MYO16: variants seen among roughly 807,000 people sequenced by gnomAD.
The protein encoded by MYO16 is myosin XVI.
In MYO16, 94 loss-of-function variants were observed where a neutral mutation model predicts 205.3. That is an observed-to-expected ratio of 0.46 (90% confidence interval 0.39 to 0.54). The LOEUF is 0.54. Among genes scored for constraint, MYO16 ranks in the 20% least tolerant of loss-of-function variants. The pLI, the probability that MYO16 is intolerant of heterozygous loss-of-function variation, is 0.00. For synonymous variants in MYO16, 988 were observed against 954.0 expected (o/e 1.04, Z -0.66); for missense variants, 2,315 against 2,387.5 (o/e 0.97, Z 0.63).
At chr13:108,937,293 A>AT (rs752138348) in intron 16 of MYO16, among the ~76,000 whole-genome samples, 202 of 149,266 alleles carry the variant, frequency 1.4e-3, no homozygotes, top group Non-Finnish European at 1.8e-3. Context: ...TGGCTTTCAG[A>AT]TTTTTTTTTC....
intron 2 of MYO16, among the ~76,000 whole-genome samples, chr13:108,677,157 A>C (rs148709211): frequency 4.3e-4 from 65 of 152,160 alleles, no homozygotes; most frequent in African/African-American, 1.5e-3. Flanking sequence ...GAGGGGATTC[A>C]GGGAAGCAAG....
Position 109,206,719 on chromosome 13 carries a change from C to G in MYO16, c.5526C>G (p.His1842Gln), listed in dbSNP as rs144481777. The G allele has an allele frequency of 2.1e-5, 34 of 1,614,082 alleles. No individual in the cohort carries two copies. In the African/African-American group the frequency reaches 3.7e-4, roughly 18 times the overall value. The change falls in exon 35 of 35, where the codon CAC becomes CAG. Residue 1842 changes from histidine (H) to glutamine (Q), a missense_variant. This residue lies in a region of MYO16 where 1,097 missense variants were observed against 1,092.0 expected (regional missense o/e 1.00). Coordinates refer to ENST00000457511, the MANE Select transcript of MYO16 (RefSeq NM_001198950.3). ...GACAAGACTGGCAGCAGATCCTGCA[C>G]CACGCTGAGCCCAGGGTGCCTCCCC... ...EEGQDWQQIL[H>Q]HAEPRVPPPP...
chr13:108,826,748 T>C (rs1876291261), intron 9 of MYO16, among the ~76,000 whole-genome samples: 1 of 152,120 alleles, frequency 6.6e-6, no homozygotes, highest in South Asian at 2.1e-4. Context: ...TCAAAGAAGA[T>C]ACAATCATAG....
rs552355192 is a variant in MYO16, at chr13:108,953,969, T to G, written c.1926-3719T>G. 1.3e-4 allele frequency among the ~76,000 whole-genome samples: 20 copies of G among 152,298 alleles called. No individual in the cohort carries two copies. In the South Asian group the frequency reaches 4.1e-3, roughly 32 times the overall value. On this transcript the variant is annotated intron_variant, in intron 16 of 34. Transcript: ENST00000457511. ...CCATCAGGCAAACTGCCCTTTCAGA[T>G]TGTCTGTTTTGAATTGGTTCCCACC...
intron 7 of MYO16, among the ~76,000 whole-genome samples, chr13:108,808,611 C>A (rs1217871338): frequency 6.6e-6 from 1 of 151,872 alleles, no homozygotes. Context: ...CCATGCCCTG[C>A]CAGAAATGGA....
chr13:109,052,269 C>T, intron 24 of MYO16, 31 bp from the exon 25 acceptor site: 2 of 1,575,848 alleles, frequency 1.3e-6, no homozygotes, highest in Non-Finnish European at 1.7e-6. Context: ...ATTTTAGTGC[C>T]ACTTACGATA....
At chr13:108,823,719 G>T (rs2139022962) in intron 9 of MYO16, among the ~76,000 whole-genome samples, 1 of 151,998 alleles carries the variant, frequency 6.6e-6, no homozygotes, top group Admixed American at 6.6e-5. Flanking sequence ...AATATCAAAT[G>T]GATTGACATC....
chr13:108,555,567 C>A, the MYO16 span, among the ~76,000 whole-genome samples: 2 of 152,176 alleles, frequency 1.3e-5, no homozygotes, highest in African/African-American at 4.8e-5. Context: ...ATAAGCATTG[C>A]CTCACATAGT....
At chr13:109,176,261 T>C (rs7324344) in intron 33 of MYO16, among the ~76,000 whole-genome samples, 1,527 of 140,966 alleles carry the variant, frequency 0.011, 9 homozygotes, top group South Asian at 0.036. Context: ...TAGCCATTCA[T>C]ATTTTCATAT....
upstream of MYO16, among the ~76,000 whole-genome samples, chr13:108,628,050 G>C (rs959404517): frequency 2.0e-5 from 3 of 152,142 alleles, no homozygotes; most frequent in African/African-American, 7.2e-5. Context: ...AAAGAGGAGA[G>C]AGCTTTACTT....
chr13:109,094,614 T>C (rs1261710189), intron 27 of MYO16, among the ~76,000 whole-genome samples: 1 of 152,232 alleles, frequency 6.6e-6, no homozygotes, highest in Non-Finnish European at 1.5e-5. Flanking sequence ...CCATGGTTGT[T>C]TGTTGCACCT....
Position 109,141,466 on chromosome 13 carries a change from T to C in MYO16, c.5164+90T>C, listed in dbSNP as rs772476960. ...CATCCGTGTCTGCGCAGATGTGAAA[T>C]AGTAAAGTTTCAGGTGATGGCCGTG... On this transcript the variant is annotated intron_variant, in intron 32 of 34. Coordinates refer to ENST00000457511, the MANE Select transcript of MYO16 (RefSeq NM_001198950.3). The surrounding 1 kb of genome is among the most constrained non-coding windows in gnomAD (Gnocchi z 4.1). 1.1e-6 allele frequency: 1 copy of C among 928,110 alleles called. No homozygotes were observed. The highest frequency in any genetic ancestry group is 3.3e-5 in the East Asian group (1 of 30,374). The allele number at this position is 928,110 out of a possible 1,614,324, so 57.5% of individuals were successfully genotyped here.
At position 108,945,755 on chromosome 13, in the gene MYO16, T is replaced by C. The variant is rs565103504; in HGVS notation, c.1926-11933T>C. Among the ~76,000 whole-genome samples, 205 of 152,316 alleles carry C rather than the reference T, an allele frequency of 1.3e-3. 1 individual carries two copies. The highest frequency in any genetic ancestry group is 4.8e-3 in the African/African-American group (198 of 41,574). On this transcript the variant is annotated intron_variant, in intron 16 of 34. Transcript: ENST00000457511. ...TTTTGGATAAGTTTACCTCAGTAGGTACAGCCTATATTTGAATACGTTTTT... is the reference window on the plus strand; with the variant it reads ...TTTTGGATAAGTTTACCTCAGTAGGCACAGCCTATATTTGAATACGTTTTT...
At chr13:109,184,005 T>G (rs1879567874) in intron 34 of MYO16, among the ~76,000 whole-genome samples, 1 of 152,222 alleles carries the variant, frequency 6.6e-6, no homozygotes, top group African/African-American at 2.4e-5. Flanking sequence ...ATCCAATGCC[T>G]TCTTTCTATA....
At chr13:109,186,236 ATACT>A (rs777204993) in intron 34 of MYO16, among the ~76,000 whole-genome samples, 1 of 152,208 alleles carries the variant, frequency 6.6e-6, no homozygotes, top group East Asian at 1.9e-4. Flanking sequence ...TGACCGACAC[ATACT>A]TAGTGCAAAA....
chr13:109,099,031 G>T (rs1054420924), intron 27 of MYO16, among the ~76,000 whole-genome samples: 3 of 152,144 alleles, frequency 2.0e-5, no homozygotes, highest in Admixed American at 2.0e-4. Context: ...GTAGTTGTAA[G>T]ACGATCAGCT....
rs2303965 is a variant in MYO16, at chr13:109,052,412, C to T, written c.2985C>T (p.Leu995=). Residue 995 remains leucine (L), a synonymous_variant, in exon 25 of 35, where the codon CTC becomes CTT. Coordinates refer to ENST00000457511, the MANE Select transcript of MYO16 (RefSeq NM_001198950.3). Reference sequence around the variant, plus strand: ...TCCGAGGACATAAGTCTGCCCTGCTCAGTAAGAAAATGACAGCTTCTTCAA... The same window carrying T: ...TCCGAGGACATAAGTCTGCCCTGCTTAGTAAGAAAATGACAGCTTCTTCAA... ...FKFRGHKSAL[L]SKKMTASSII... is the part of the protein sequence containing the mutation. The T allele has an allele frequency of 0.013, 21,214 of 1,612,448 alleles. 217 individuals carry two copies. Among genetic ancestry groups the T allele is most frequent in the South Asian group, 0.038 (3,437 of 91,004 alleles).
chr13:109,039,552 CA>C (rs1361419602), intron 23 of MYO16, among the ~76,000 whole-genome samples: 1 of 152,076 alleles, frequency 6.6e-6, no homozygotes, highest in East Asian at 1.9e-4. Flanking sequence ...AGAAAACAGC[CA>C]AATCTCTGTA....
intron 24 of MYO16, among the ~76,000 whole-genome samples, chr13:109,047,732 G>T (rs1177512493): frequency 2.0e-5 from 3 of 152,008 alleles, no homozygotes; most frequent in African/African-American, 7.2e-5. Flanking sequence ...TGCTATAAAT[G>T]AAATAGTCAT....
Sources: allele counts gnomAD v4.1 joint callset (sites outside exome capture counted in the v4.1 genomes callset), GRCh38; gene constraint gnomAD v4.1.1; regional missense constraint gnomAD v4.1.1; non-coding constraint Gnocchi (gnomAD v3.1); transcripts MANE v1.5; gene names NCBI Gene and HGNC (gene_info 2026-07-23, HGNC 2026-07-21).